Variants in SHPK observed in about 807,000 individuals in gnomAD.
The protein encoded by SHPK is sedoheptulokinase.
Under a neutral mutation model 46.3 loss-of-function variants are expected in SHPK, and 51 were observed. That is an observed-to-expected ratio of 1.10 (90% CI 0.88 to 1.39). The LOEUF is 1.39. Among genes scored for constraint, SHPK ranks in the 40% most tolerant of loss-of-function variants. SHPK has a pLI of 0.00. For synonymous variants in SHPK, 290 were observed against 273.9 expected (o/e 1.06, Z -0.58); for missense variants, 668 against 641.3 (o/e 1.04, Z -0.45).
chr17:3,633,178 A>C (rs1446500672), intron 1 of SHPK, among the ~76,000 whole-genome samples: 2 of 151,434 alleles, frequency 1.3e-5, no homozygotes, highest in Non-Finnish European at 2.9e-5. Flanking sequence ...ACAGGGTTTC[A>C]CCATGTTGGC....
chr17:3,608,989 T>G lies in SHPK; in HGVS notation c.*1571A>C, dbSNP rs1446843577. 1.3e-5 allele frequency: 2 copies of G among 152,426 alleles called. No homozygotes were observed. Among genetic ancestry groups the G allele is most frequent in the East Asian group, 3.9e-4 (2 of 5,186 alleles). The allele number at this position is 152,426 out of a possible 1,614,324, so 9.4% of individuals were successfully genotyped here. On this transcript the variant is annotated 3_prime_UTR_variant, in exon 7 of 7. Coordinates refer to ENST00000225519, the MANE Select transcript of SHPK (RefSeq NM_013276.4). ...TCACTGCAACCTCTGCCTCCCGAGT[T>G]CAAGTGATTTTCCTGCCTCAGCCTC... is the stretch of plus-strand genomic sequence containing the variant.
At position 3,623,375 on chromosome 17, in the gene SHPK, T is replaced by C. The variant is rs1384930037; in HGVS notation, c.611A>G (p.Tyr204Cys). Reference protein sequence around the residue: ...MSDQNAASWGYFNTQSQSWNV... With the variant: ...MSDQNAASWGCFNTQSQSWNV... ...CCAGCTTTGGCTCTGCGTGTTGAAATAGCCCCAGCTGGCAGCATTCTGGTC... is the reference window on the plus strand; with the variant it reads ...CCAGCTTTGGCTCTGCGTGTTGAAACAGCCCCAGCTGGCAGCATTCTGGTC... The change falls in exon 4 of 7, where the codon TAT becomes TGT. Residue 204 changes from tyrosine to cysteine, a missense_variant. Transcript: ENST00000225519. The C allele has an allele frequency of 6.2e-7, 1 of 1,614,190 alleles. No individual in the cohort carries two copies. Among genetic ancestry groups the C allele is most frequent in the South Asian group, 1.1e-5 (1 of 91,086 alleles).
At chr17:3,629,448 C>T (rs1052154670) in intron 2 of SHPK, among the ~76,000 whole-genome samples, 2 of 151,942 alleles carry the variant, frequency 1.3e-5, no homozygotes, top group Non-Finnish European at 2.9e-5. Flanking sequence ...AAGGATATGC[C>T]GGCCGGGCAT....
At chr17:3,618,169 C>T (rs1385657165) in intron 5 of SHPK, among the ~76,000 whole-genome samples, 5 of 152,054 alleles carry the variant, frequency 3.3e-5, no homozygotes, top group East Asian at 1.9e-4. Context: ...TGCACTGGCG[C>T]GATCTCAGCT....
chr17:3,617,107 A>G (rs909493433), intron 5 of SHPK, among the ~76,000 whole-genome samples: 1 of 151,908 alleles, frequency 6.6e-6, no homozygotes. Context: ...CCTGGCCTCA[A>G]GTGATCTGCC....
chr17:3,634,279 A>AC (rs2075492181), intron 1 of SHPK, among the ~76,000 whole-genome samples: 1 of 151,424 alleles, frequency 6.6e-6, no homozygotes. Context: ...AAAAAAAAAA[A>AC]AGTGGCCATG....
At chr17:3,624,846 G>A (rs2075424065) in intron 2 of SHPK, among the ~76,000 whole-genome samples, 1 of 152,016 alleles carries the variant, frequency 6.6e-6, no homozygotes, top group African/African-American at 2.4e-5. Context: ...GTAGAGACAG[G>A]GTTTCATCAT....
intron 2 of SHPK, among the ~76,000 whole-genome samples, chr17:3,626,208 TA>T (rs757969809): frequency 6.6e-5 from 10 of 152,328 alleles, no homozygotes; most frequent in South Asian, 6.2e-4. Context: ...TTGAAATCCT[TA>T]AAAGTTCACT....
chr17:3,620,141 CGAAAATATTTACA>C (rs566158751), intron 5 of SHPK, among the ~76,000 whole-genome samples: 16 of 152,168 alleles, frequency 1.1e-4, no homozygotes, highest in Middle Eastern at 3.4e-3. Context: ...TCCGCAAAGC[CGAAAATATTTACA>C]GAAAATATTT....
intron 6 of SHPK, among the ~76,000 whole-genome samples, chr17:3,611,726 A>G (rs1057191446): frequency 1.3e-5 from 2 of 151,760 alleles, no homozygotes; most frequent in African/African-American, 2.4e-5. Context: ...TGACCATCCT[A>G]CAACTTGCTT....
rs866402397 is a variant in SHPK, at chr17:3,622,550, T to C, written c.647+789A>G. ...ATGCTGGAAAGTCCTTTACCTGAAC[T>C]ACCAGGTGCTTTTTGTTTTATTTCA... On this transcript the variant is annotated intron_variant, in intron 4 of 6. Coordinates refer to ENST00000225519, the MANE Select transcript of SHPK (RefSeq NM_013276.4). 33 of 982,080 alleles carry C rather than the reference T, an allele frequency of 3.4e-5. No homozygotes were observed. In the Middle Eastern group the frequency reaches 1.6e-3, roughly 47 times the overall value. 60.8% of individuals were successfully genotyped at this position (982,080 alleles called of 1,614,324 possible).
At position 3,612,680 on chromosome 17, in the gene SHPK, C is replaced by A. The variant is rs149673082; in HGVS notation, c.1025-1708G>T. On this transcript the variant is annotated intron_variant, in intron 6 of 6. Transcript: ENST00000225519. ...TTATACACAGCCACGCTGGGGAGCC[C>A]CCGACCTAGACCTAGGGCTTCTCCA... Among the ~76,000 whole-genome samples, 9 of 152,066 alleles carry A rather than the reference C, an allele frequency of 5.9e-5. No individual in the cohort carries two copies. The East Asian group carries it at 1.7e-3, about 29-fold the overall frequency.
intron 1 of SHPK, among the ~76,000 whole-genome samples, chr17:3,632,104 G>GGC (rs1567687383): frequency 4.0e-5 from 6 of 151,314 alleles, no homozygotes; most frequent in Admixed American, 4.0e-4. Flanking sequence ...CTATAGGTGC[G>GGC]CGCCACCACA....
At chr17:3,622,810 T>C (rs2075410928) in intron 4 of SHPK, among the ~76,000 whole-genome samples, 1 of 151,630 alleles carries the variant, frequency 6.6e-6, no homozygotes, top group Admixed American at 6.6e-5. Flanking sequence ...GTTCAAGTGA[T>C]TCTCCTGCCT....
intron 4 of SHPK, 78 bp downstream of exon 4, chr17:3,623,261 C>G (rs2075413207): frequency 2.6e-6 from 4 of 1,523,300 alleles, no homozygotes; most frequent in Non-Finnish European, 3.6e-6. Context: ...GATGGGAAAG[C>G]ACCCACTGAA....
At chr17:3,632,962 C>T (rs2075481766) in intron 1 of SHPK, among the ~76,000 whole-genome samples, 1 of 146,194 alleles carries the variant, frequency 6.8e-6, no homozygotes, top group Non-Finnish European at 1.5e-5. Context: ...ACACAGCCAG[C>T]AGATATTACT....
intron 1 of SHPK, among the ~76,000 whole-genome samples, chr17:3,634,997 C>G (rs763070719): frequency 6.6e-6 from 1 of 151,758 alleles, no homozygotes; most frequent in Non-Finnish European, 1.5e-5. Flanking sequence ...CATGGCGAAA[C>G]CCTGTCTCTA....
At chr17:3,619,132 A>AT (rs887228266) in intron 5 of SHPK, 992 of 280,544 alleles carry the variant, frequency 3.5e-3, no homozygotes, top group Middle Eastern at 4.3e-3. Context: ...TTAAATTGTT[A>AT]TTTTTTTTTC....
intron 5 of SHPK, among the ~76,000 whole-genome samples, chr17:3,616,304 G>A (rs569217408): frequency 1.3e-5 from 2 of 152,240 alleles, no homozygotes; most frequent in South Asian, 4.1e-4. Context: ...CTCCTATCTC[G>A]GTCACGCTGT....
Sources: gnomAD v4.1 joint callset for allele counts (sites outside exome capture counted in the v4.1 genomes callset) on GRCh38, gnomAD v4.1.1 for gene constraint, MANE v1.5 for transcripts, NCBI Gene and HGNC (gene_info 2026-07-23, HGNC 2026-07-21) for gene names.